KIF1B: variants seen among roughly 807,000 people sequenced by gnomAD.
KIF1B encodes the protein kinesin-like protein KIF1B.
In KIF1B, 76 loss-of-function variants were observed where a neutral mutation model predicts 241.9. The ratio of observed to expected loss-of-function variants is 0.31; its 90% CI spans 0.26 to 0.38. KIF1B has a LOEUF of 0.38. Among genes scored for constraint, KIF1B ranks in the 10% least tolerant of loss-of-function variants. The pLI, the probability that KIF1B is intolerant of heterozygous loss-of-function variation, is 1.00. For synonymous variants in KIF1B, 750 were observed against 796.7 expected (o/e 0.94, Z 0.99); for missense variants, 1,622 against 2,271.4 (o/e 0.71, Z 5.81).
At chr1:10,304,375 T>C in intron 22 of KIF1B, 1 of 1,614,214 alleles carries the variant, frequency 6.2e-7, no homozygotes, top group Non-Finnish European at 8.5e-7. Context: ...AAGTACGCGC[T>C]GCCAGGCATC....
At chr1:10,271,372 ATATTT>A in intron 7 of KIF1B, 125 bp from the exon 8 acceptor site, 1 of 760,036 alleles carries the variant, frequency 1.3e-6, no homozygotes, top group East Asian at 2.5e-5. Flanking sequence ...TTTTTGTGCC[ATATTT>A]AAAAGCTCTA....
chr1:10,268,275 T>G lies in KIF1B; in HGVS notation c.720+12T>G. 1 of 1,538,212 alleles carries G rather than the reference T, an allele frequency of 6.5e-7. No homozygotes were observed. The highest frequency in any genetic ancestry group is 9.0e-7 in the Non-Finnish European group (1 of 1,110,906). ...TTTCCACTGAGAAGGTAGGAGAGTT[T>G]CAGTCTCTAGGCTTGAGTTGTGAAG... On this transcript the variant is annotated intron_variant, in intron 7 of 48. Transcript: ENST00000676179.
chr1:10,262,943 T>C (rs1648229757), intron 5 of KIF1B, among the ~76,000 whole-genome samples: 2 of 152,206 alleles, frequency 1.3e-5, no homozygotes, highest in South Asian at 4.1e-4. Context: ...ATGAAGTCTA[T>C]AGAATTACTT....
intron 37 of KIF1B, among the ~76,000 whole-genome samples, chr1:10,350,785 T>C (rs1421186465): frequency 6.6e-6 from 1 of 151,982 alleles, no homozygotes; most frequent in East Asian, 1.9e-4. Flanking sequence ...AGAGTGCTTG[T>C]GTCTCTCTGG....
Position 10,323,869 on chromosome 1 carries a change from A to T in KIF1B, c.2359-15A>T. On this transcript the variant is annotated splice_polypyrimidine_tract_variant and intron_variant, in intron 24 of 48. Coordinates refer to ENST00000676179, the MANE Select transcript of KIF1B (RefSeq NM_001365951.3). ...GCTGAAAACCATTTGTCAATGGTTTATTCTTTCTATTCAGGTGCAGTTTCA... is the reference window on the plus strand; with the variant it reads ...GCTGAAAACCATTTGTCAATGGTTTTTTCTTTCTATTCAGGTGCAGTTTCA... 6.2e-7 allele frequency: 1 copy of T among 1,611,162 alleles called. No homozygotes were observed. The highest frequency in any genetic ancestry group is 8.5e-7 in the Non-Finnish European group (1 of 1,177,302).
chr1:10,375,421 C>T, intron 48 of KIF1B, 48 bp downstream of exon 48: 1 of 1,481,308 alleles, frequency 6.8e-7, no homozygotes, highest in Non-Finnish European at 9.4e-7. Context: ...CGGAGTCTCA[C>T]TTTTTCTCCC....
Position 10,271,574 on chromosome 1 carries a change from T to G in KIF1B, c.793T>G (p.Leu265Val), listed in dbSNP as rs1557679416. 1 of 1,610,444 alleles carries G rather than the reference T, an allele frequency of 6.2e-7. No individual in the cohort carries two copies. The highest frequency in any genetic ancestry group is 8.5e-7 in the Non-Finnish European group (1 of 1,176,642). ...ADSTGAKGTRLKEGANINKSL... is the reference protein window; with the variant it reads ...ADSTGAKGTRVKEGANINKSL... ...TTCAACTGGTGCCAAAGGGACTCGA[T>G]TAAAGGTATTTATTTTAGCAAATAA... is the stretch of plus-strand genomic sequence containing the variant. Residue 265 changes from leucine (L) to valine (V), a missense_variant, in exon 8 of 49, where the codon TTA (leucine) becomes GTA (valine). By Grantham distance (32) the Leu-to-Val change is conservative. Transcript: ENST00000676179.
In KIF1B at chr1:10,232,420, A is replaced by G; in HGVS notation, c.92A>G (p.Gln31Arg). The G allele has an allele frequency of 6.2e-7, 1 of 1,612,802 alleles. No homozygotes were observed. Among genetic ancestry groups the G allele is most frequent in the Non-Finnish European group, 8.5e-7 (1 of 1,178,850 alleles). The change falls in exon 2 of 49, where the codon CAA becomes CGA. Residue 31 changes from glutamine (Q) to arginine (R), a missense_variant. Gln to Arg is a conservative substitution (Grantham distance 43). Around this residue, in one of 7 missense-constraint regions of KIF1B, gnomAD observed 156 missense variants for 244.8 expected, o/e 0.64. Coordinates refer to ENST00000676179, the MANE Select transcript of KIF1B (RefSeq NM_001365951.3). The stretch of plus-strand genomic sequence containing the variant: ...GAATCCAAATGCATCATTCAGATGC[A>G]AGGCAACTCGACCAGTGAGTACATG... ...SKESKCIIQM[Q>R]GNSTSIINPK...
At position 10,250,224 on chromosome 1, in the gene KIF1B, TGTAA is replaced by T. The variant is rs559619756; in HGVS notation, c.107-6020_107-6017del. ...CGTATTTAAGAAAAATTAACGTATG[TGTAA>T]GTGTTTCACTCCTTTAATTCTGTAA... On this transcript the variant is annotated intron_variant, in intron 2 of 48. Coordinates refer to ENST00000676179, the MANE Select transcript of KIF1B (RefSeq NM_001365951.3). Among the ~76,000 whole-genome samples, 165 of 152,338 alleles carry T rather than the reference TGTAA, an allele frequency of 1.1e-3. 2 individuals are homozygous for T. Among genetic ancestry groups the T allele is most frequent in the Middle Eastern group, 0.01 (3 of 294 alleles).
intron 39 of KIF1B, 40 bp from the exon 40 acceptor site, chr1:10,361,652 C>A (rs777673983): frequency 6.2e-7 from 1 of 1,611,702 alleles, no homozygotes; most frequent in South Asian, 1.1e-5. Context: ...TCACAGTACT[C>A]TGCCTGCACT....
intron 41 of KIF1B, among the ~76,000 whole-genome samples, chr1:10,364,507 T>C (rs1450640337): frequency 4.6e-5 from 7 of 151,468 alleles, no homozygotes; most frequent in Admixed American, 4.6e-4. Context: ...CCCGGCCCCA[T>C]AGTGTATAGA....
chr1:10,360,028 G>A (rs1022791025), intron 38 of KIF1B, among the ~76,000 whole-genome samples: 27 of 151,504 alleles, frequency 1.8e-4, no homozygotes, highest in Non-Finnish European at 3.8e-4. Context: ...GTGAAACTCC[G>A]TCTCAAAAAT....
intron 15 of KIF1B, among the ~76,000 whole-genome samples, chr1:10,285,339 T>G (rs967428779): frequency 6.6e-6 from 1 of 152,214 alleles, no homozygotes; most frequent in African/African-American, 2.4e-5. Context: ...AACTGCCAAG[T>G]GGGACCAATT....
chr1:10,306,475 G>A, intron 22 of KIF1B: 1 of 971,258 alleles, frequency 1.0e-6, no homozygotes, highest in Non-Finnish European at 1.3e-6. Flanking sequence ...GCTAGGTTTG[G>A]TGGCACATGC....
rs886044994 is a variant in KIF1B, at chr1:10,377,331, C to A, written c.*744C>A. The stretch of plus-strand genomic sequence containing the variant: ...TTTTTCAGTGGGCCTGGGACAGTGG[C>A]TGCTCTTGACTTTGTGTGAAGGGAA... On this transcript the variant is annotated 3_prime_UTR_variant, in exon 49 of 49. Transcript: ENST00000676179. The A allele has an allele frequency of 8.8e-6, 2 of 228,092 alleles. No individual in the cohort carries two copies. The highest frequency in any genetic ancestry group is 1.7e-5 in the Non-Finnish European group (2 of 114,678). 14.1% of individuals were successfully genotyped at this position (228,092 alleles called of 1,614,324 possible).
In KIF1B at chr1:10,334,620, G is replaced by A. The variant is rs1652093978; in HGVS notation, c.3025G>A (p.Ala1009Thr). ...KGEVRGFLRV[A>T]VQAIAADEEA... is the part of the protein sequence containing the mutation. ...TGAAGTGCGGGGATTTCTGCGTGTG[G>A]CTGTACAGGCCATCGCAGGTAGGTG... Residue 1009 changes from alanine to threonine, a missense_variant, in exon 28 of 49, where the codon GCT becomes ACT. By Grantham distance (58) the Ala-to-Thr change is moderately conservative. Transcript: ENST00000676179. 1 of 1,613,422 alleles carries A rather than the reference G, an allele frequency of 6.2e-7. No individual in the cohort carries two copies. The highest frequency in any genetic ancestry group is 1.1e-5 in the South Asian group (1 of 91,034).
At chr1:10,266,633 T>C (rs569523148) in intron 5 of KIF1B, among the ~76,000 whole-genome samples, 2 of 152,338 alleles carry the variant, frequency 1.3e-5, no homozygotes, top group South Asian at 2.1e-4. Context: ...CTCTGTAATA[T>C]TGATATTGTT....
chr1:10,240,721 A>AT (rs34449939), intron 2 of KIF1B, among the ~76,000 whole-genome samples: 6,397 of 109,964 alleles, frequency 0.058, 322 homozygotes, highest in African/African-American at 0.11. Context: ...TGGGTAGTTC[A>AT]TTTTTTTTTT....
rs752314746 is a variant in KIF1B, at chr1:10,377,891, G to T, written c.*1304G>T. On this transcript the variant is annotated 3_prime_UTR_variant, in exon 49 of 49. Transcript: ENST00000676179. ...GCAGAGGTTGCAGTGAGCCAAGATC[G>T]CGCTATTGCACTCCAGCCTGGGTGA... 1 of 192,830 alleles carries T rather than the reference G, an allele frequency of 5.2e-6. No homozygotes were observed. Among genetic ancestry groups the T allele is most frequent in the Non-Finnish European group, 1.1e-5 (1 of 92,370 alleles). The allele number at this position is 192,830 out of a possible 1,614,324, so 11.9% of individuals were successfully genotyped here. A position where few individuals can be genotyped will look rare whatever the true frequency, so the allele number is the denominator to read the frequency against.
Sources: allele counts gnomAD v4.1 joint callset (sites outside exome capture counted in the v4.1 genomes callset), GRCh38; gene constraint gnomAD v4.1.1; regional missense constraint gnomAD v4.1.1; transcripts MANE v1.5; gene names NCBI Gene and HGNC (gene_info 2026-07-23, HGNC 2026-07-21).